Variants in TNRC6B observed in about 807,000 individuals in gnomAD.
TNRC6B encodes the protein trinucleotide repeat containing adaptor 6B.
A neutral mutation model predicts 203.6 loss-of-function variants in TNRC6B; 52 were observed. The observed-to-expected ratio is 0.26, with a 90% CI of 0.20 to 0.32. The LOEUF (loss-of-function observed/expected upper bound fraction) is 0.32, where lower values mean the gene tolerates loss of function less well. Ranked by LOEUF, TNRC6B falls within the 10% of genes least tolerant of loss-of-function variation. The pLI is 1.00. For missense variants in TNRC6B, 1,923 were observed against 2,286.2 expected, an observed-to-expected ratio of 0.84 and a Z score of 3.24; for synonymous variants, 838 against 845.7, an observed-to-expected ratio of 0.99 and a Z score of 0.16.
rs183546293 is a variant in TNRC6B at position 40,106,956 on chromosome 22, A to G, written c.-120-10099A>G. On this transcript the variant is annotated intron_variant, in intron 1 of 23. Transcript: ENST00000301923. The stretch of plus-strand genomic sequence containing the variant: ...GCCCTTTGAAGCATCTTTTGGGCAA[A>G]CTTCTTTCTCAGGCGCTTGATCTTC... 7 of 1,180,626 alleles carry G rather than the reference A, an allele frequency of 5.9e-6. No individual in the cohort carries two copies. The East Asian group carries it at 1.6e-4, about 28-fold the overall frequency. The allele number at this position is 1,180,626 out of a possible 1,614,324, so 73.1% of individuals were successfully genotyped here. A position where few individuals can be genotyped will look rare whatever the true frequency, so the allele number is the denominator to read the frequency against.
At chr22:40,316,489 CCT>C (rs915372849) in intron 21 of TNRC6B, among the ~76,000 whole-genome samples, 2 of 152,050 alleles carry the variant, frequency 1.3e-5, no homozygotes, top group Non-Finnish European at 2.9e-5. Context: ...AATATGAGAC[CCT>C]GTTTCTACAA....
intron 1 of TNRC6B, among the ~76,000 whole-genome samples, chr22:40,070,478 G>A (rs972152653): frequency 2.0e-5 from 3 of 152,120 alleles, no homozygotes; most frequent in African/African-American, 7.2e-5. Context: ...ACTCCATTCT[G>A]ATACCATCTG....
intron 4 of TNRC6B, among the ~76,000 whole-genome samples, chr22:40,166,946 A>G (rs571301111): frequency 6.6e-6 from 1 of 152,068 alleles, no homozygotes; most frequent in African/African-American, 2.4e-5. Context: ...ACCTCTATTG[A>G]ATATCTTTTA....
At chr22:40,298,331 C>T (rs1193255180) in intron 12 of TNRC6B, among the ~76,000 whole-genome samples, 1 of 152,048 alleles carries the variant, frequency 6.6e-6, no homozygotes, top group Non-Finnish European at 1.5e-5. Context: ...CAGCTTTTAA[C>T]AGAATGCTTA....
At chr22:40,117,620 A>G (rs1165415700) in intron 2 of TNRC6B, among the ~76,000 whole-genome samples, 1 of 152,084 alleles carries the variant, frequency 6.6e-6, no homozygotes, top group Non-Finnish European at 1.5e-5. Context: ...GTAAGCCTTA[A>G]TGGACCATTT....
intron 3 of TNRC6B, among the ~76,000 whole-genome samples, chr22:40,146,561 A>ATTTTT (rs59901929): frequency 1.8e-5 from 2 of 109,230 alleles, no homozygotes; most frequent in Non-Finnish European, 1.8e-5. Context: ...CGCCCGGCTA[A>ATTTTT]TTTTTTTTTT....
intron 1 of TNRC6B, among the ~76,000 whole-genome samples, chr22:40,187,041 A>C (rs896872311): frequency 5.9e-5 from 9 of 152,212 alleles, no homozygotes; most frequent in Non-Finnish European, 1.2e-4. Flanking sequence ...AACATAAAAA[A>C]GTTTTCCAGC....
chr22:40,170,453 A>G (rs2068967165), intron 4 of TNRC6B, among the ~76,000 whole-genome samples: 1 of 16,978 alleles, frequency 5.9e-5, no homozygotes, highest in Non-Finnish European at 8.0e-5. Context: ...TATATATTAT[A>G]TATATAGTTT....
At chr22:40,086,984 C>G (rs1294909392) in intron 1 of TNRC6B, among the ~76,000 whole-genome samples, 1 of 152,168 alleles carries the variant, frequency 6.6e-6, no homozygotes, top group Non-Finnish European at 1.5e-5. Context: ...GGTCCCCCGT[C>G]CCTGTAGGCT....
At chr22:40,274,578 G>A (rs1464450248) in intron 7 of TNRC6B, among the ~76,000 whole-genome samples, 2 of 151,928 alleles carry the variant, frequency 1.3e-5, no homozygotes, top group Non-Finnish European at 2.9e-5. Flanking sequence ...CTGCCACCAC[G>A]CCCGGCTAAT....
At chr22:40,216,319 G>A (rs116914944) in intron 1 of TNRC6B, among the ~76,000 whole-genome samples, 3,451 of 152,096 alleles carry the variant, frequency 0.023, 56 homozygotes, top group Middle Eastern at 0.048. Flanking sequence ...CACAGTCTCC[G>A]TGAGCATTTG....
At chr22:40,247,157 G>C (rs1232598944) in intron 2 of TNRC6B, among the ~76,000 whole-genome samples, 1 of 152,084 alleles carries the variant, frequency 6.6e-6, no homozygotes, top group Non-Finnish European at 1.5e-5. Flanking sequence ...GCTCAGCAGG[G>C]TTGCTTTGGT....
intron 1 of TNRC6B, among the ~76,000 whole-genome samples, chr22:40,097,032 C>T (rs1009658200): frequency 1.3e-5 from 2 of 152,140 alleles, no homozygotes; most frequent in Non-Finnish European, 2.9e-5. Context: ...GAGACCCCAT[C>T]CTTACCTGCC....
Position 40,334,498 on chromosome 22 carries a change from ACCCAC to A in TNRC6B, c.*11259_*11263del, listed in dbSNP as rs2044013291. On this transcript the variant is annotated 3_prime_UTR_variant, in exon 23 of 23. Transcript: ENST00000454349. Reference sequence around the variant, plus strand: ...CTTCACATTCTATGCCCTCCCCGCCACCCACCTCATCCCTGTTCTGCGTAACCAAA... The same window carrying A: ...CTTCACATTCTATGCCCTCCCCGCCACTCATCCCTGTTCTGCGTAACCAAA... 6.6e-6 allele frequency: 1 copy of A among 152,554 alleles called. No homozygotes were observed. Among genetic ancestry groups the A allele is most frequent in the Non-Finnish European group, 1.5e-5 (1 of 68,026 alleles). 9.5% of individuals were successfully genotyped at this position (152,554 alleles called of 1,614,324 possible).
upstream of TNRC6B, among the ~76,000 whole-genome samples, chr22:40,174,432 C>T (rs532205990): frequency 5.1e-4 from 78 of 152,170 alleles, 1 homozygote; most frequent in Non-Finnish European, 7.9e-4. Context: ...CCACCCACCT[C>T]GGCGTCCCAA....
At chr22:40,154,417 TC>T (rs202028485) in intron 3 of TNRC6B, among the ~76,000 whole-genome samples, 3,215 of 151,624 alleles carry the variant, frequency 0.021, 72 homozygotes, top group African/African-American at 0.058. Context: ...TGAGCCAAGA[TC>T]ACGTCATTGC....
At position 40,266,219 on chromosome 22, in the gene TNRC6B, A is replaced by T. The variant is rs1182302095; in HGVS notation, c.1989A>T (p.Ser663=). The T allele has an allele frequency of 1.9e-6, 3 of 1,608,598 alleles. No homozygotes were observed. The highest frequency in any genetic ancestry group is 2.5e-6 in the Non-Finnish European group (3 of 1,177,258). The part of the protein sequence containing the change: ...WESAATQTKN[S]GGWGDAPSQS... ...GCGCTGCCACACAGACCAAGAACTC[A>T]GGGGGCTGGGGAGATGCACCCAGCC... The change falls in exon 5 of 23, where the codon TCA becomes TCT. Residue 663 remains serine (S), a synonymous_variant. Transcript: ENST00000454349.
rs2071468433 is a variant in TNRC6B at position 40,331,670 on chromosome 22, T to TAAAAA, written c.*8429_*8430insAAAAA. 1.0e-5 allele frequency: 2 copies of TAAAAA among 190,830 alleles called. No individual in the cohort carries two copies. The highest frequency in any genetic ancestry group is 2.8e-4 in the South Asian group (1 of 3,606). The allele number at this position is 190,830 out of a possible 1,614,324, so 11.8% of individuals were successfully genotyped here. On this transcript the variant is annotated 3_prime_UTR_variant, in exon 23 of 23. Coordinates refer to ENST00000454349, the MANE Select transcript of TNRC6B (RefSeq NM_001162501.2). ...ATTTTTTTTTTTTTTTTTTTTTTTT[T>TAAAAA]CAAAAAAAAAAGTCCCACATGTGGT...
At chr22:40,159,884 T>C (rs1270147516) in intron 4 of TNRC6B, among the ~76,000 whole-genome samples, 5 of 152,068 alleles carry the variant, frequency 3.3e-5, no homozygotes, top group Non-Finnish European at 7.4e-5. Context: ...CGATCATAGC[T>C]CACTGTAATC....
Sources: allele counts gnomAD v4.1 joint callset (sites outside exome capture counted in the v4.1 genomes callset), GRCh38; gene constraint gnomAD v4.1.1; transcripts MANE v1.5; gene names NCBI Gene and HGNC (gene_info 2026-07-23, HGNC 2026-07-21).